The following KLRD1 variants were observed in gnomAD, a reference collection of about 807,000 sequenced individuals.
The protein encoded by KLRD1 is killer cell lectin like receptor D1.
Under a neutral mutation model 22.6 loss-of-function variants are expected in KLRD1, and 21 were observed. The observed-to-expected ratio is 0.93, with a 90% confidence interval of 0.66 to 1.34. The LOEUF (loss-of-function observed/expected upper bound fraction) is 1.34. Among genes scored for constraint, KLRD1 ranks in the 40% most tolerant of loss-of-function variants. KLRD1 has a pLI of 0.00. For missense variants in KLRD1, 183 were observed against 208.6 expected, an observed-to-expected ratio of 0.88 and a Z score of 0.76; for synonymous variants, 59 against 71.1, an observed-to-expected ratio of 0.83 and a Z score of 0.85.
chr12:10,296,536 C>A (rs1409789396), intron 1 of KLRD1, among the ~76,000 whole-genome samples: 1 of 150,652 alleles, frequency 6.6e-6, no homozygotes, highest in Non-Finnish European at 1.5e-5. Context: ...ATAAAAAAAA[C>A]CACACACACA....
chr12:10,255,376 T>G (rs1002340766), intron 1 of KLRD1, among the ~76,000 whole-genome samples: 6 of 152,336 alleles, frequency 3.9e-5, no homozygotes, highest in Non-Finnish European at 8.8e-5. Flanking sequence ...ATTGTTCATT[T>G]GGCTGGCGTT....
In KLRD1 at chr12:10,308,085, G is replaced by T. The variant is rs376872655; in HGVS notation, c.7+1G>T. 16 of 1,612,124 alleles carry T rather than the reference G, an allele frequency of 9.9e-6. No homozygotes were observed. Among genetic ancestry groups the T allele is most frequent in the Non-Finnish European group, 7.6e-6 (9 of 1,178,442 alleles). On this transcript the variant is annotated splice_donor_variant, in intron 1 of 5. Transcript: ENST00000336164. LOFTEE classifies it high-confidence loss of function. ...CTTGGAACATAATTTCTCATGGCAG[G>T]TATGTGTGATTTCAGTCACTAAATT...
At chr12:10,249,599 C>T (rs373307108) in intron 1 of KLRD1, among the ~76,000 whole-genome samples, 15 of 152,206 alleles carry the variant, frequency 9.9e-5, no homozygotes, top group East Asian at 5.8e-4. Context: ...ATTAAATATA[C>T]GGTTTGCAAC....
chr12:10,303,951 C>A (rs2137679673), upstream of KLRD1, among the ~76,000 whole-genome samples: 1 of 152,222 alleles, frequency 6.6e-6, no homozygotes, highest in Admixed American at 6.5e-5. Flanking sequence ...ATAACTTGGG[C>A]TATAAGATGA....
chr12:10,289,604 G>A (rs1054641112), intron 1 of KLRD1, among the ~76,000 whole-genome samples: 4 of 152,142 alleles, frequency 2.6e-5, no homozygotes, highest in South Asian at 2.1e-4. Flanking sequence ...TGTTTCTTTC[G>A]GAGTCTGCCT....
chr12:10,288,230 G>A (rs569192714), intron 1 of KLRD1, among the ~76,000 whole-genome samples: 35 of 146,478 alleles, frequency 2.4e-4, no homozygotes, highest in African/African-American at 4.6e-4. Context: ...ACAACAGAGC[G>A]AGACTCCGTC....
chr12:10,259,074 T>C (rs1949425050), intron 1 of KLRD1, among the ~76,000 whole-genome samples: 1 of 152,174 alleles, frequency 6.6e-6, no homozygotes, highest in Non-Finnish European at 1.5e-5. Flanking sequence ...GCTTCTACTT[T>C]TGAGATCAAA....
At chr12:10,254,870 G>C (rs1949379998) in intron 1 of KLRD1, among the ~76,000 whole-genome samples, 1 of 149,872 alleles carries the variant, frequency 6.7e-6, no homozygotes, top group Admixed American at 6.6e-5. Context: ...TCCAGCCTAG[G>C]CAACAGAGCG....
intron 1 of KLRD1, among the ~76,000 whole-genome samples, chr12:10,296,477 C>G (rs1330655508): frequency 6.6e-6 from 1 of 151,972 alleles, no homozygotes; most frequent in Non-Finnish European, 1.5e-5. Context: ...AATTGCACCA[C>G]CACACTGCAG....
At chr12:10,281,408 A>G (rs577757081) in intron 1 of KLRD1, among the ~76,000 whole-genome samples, 1 of 152,316 alleles carries the variant, frequency 6.6e-6, no homozygotes, top group East Asian at 1.9e-4. Flanking sequence ...CAGCAATAGT[A>G]TACTAAGACA....
upstream of KLRD1, among the ~76,000 whole-genome samples, chr12:10,304,973 G>A (rs1259293179): frequency 6.6e-6 from 1 of 152,140 alleles, no homozygotes; most frequent in Non-Finnish European, 1.5e-5. Flanking sequence ...CTCAAAGAAT[G>A]CATTTTCTAA....
chr12:10,266,355 T>G (rs1420307256), intron 1 of KLRD1, among the ~76,000 whole-genome samples: 6 of 152,128 alleles, frequency 3.9e-5, no homozygotes, highest in African/African-American at 1.4e-4. Context: ...TTTTGTCAAT[T>G]CAATGGGCAA....
At chr12:10,283,599 G>A (rs929075222) in intron 1 of KLRD1, among the ~76,000 whole-genome samples, 2 of 152,018 alleles carry the variant, frequency 1.3e-5, no homozygotes, top group Non-Finnish European at 2.9e-5. Context: ...AGGAGATAAA[G>A]CCTGAAGCAG....
chr12:10,269,938 G>T (rs997275142), intron 1 of KLRD1, among the ~76,000 whole-genome samples: 5 of 152,008 alleles, frequency 3.3e-5, no homozygotes, highest in African/African-American at 1.2e-4. Context: ...TGATGATTCT[G>T]TACCTACCAT....
At chr12:10,256,505 C>G (rs1414879279) in intron 1 of KLRD1, among the ~76,000 whole-genome samples, 2 of 145,470 alleles carry the variant, frequency 1.4e-5, no homozygotes, top group African/African-American at 5.3e-5. Context: ...TTTGTGTTAA[C>G]TTAAAGATTA....
chr12:10,301,206 C>T (rs1263397355), upstream of KLRD1, among the ~76,000 whole-genome samples: 1 of 152,202 alleles, frequency 6.6e-6, no homozygotes, highest in Admixed American at 6.5e-5. Context: ...CCATTTGTAG[C>T]TTAGTACCCT....
upstream of KLRD1, among the ~76,000 whole-genome samples, chr12:10,303,585 C>G (rs970478086): frequency 4.8e-4 from 73 of 152,144 alleles, 5 homozygotes; most frequent in Non-Finnish European, 2.9e-5. Flanking sequence ...AAAAGGGCAG[C>G]TTTTCACATG....
intron 1 of KLRD1, among the ~76,000 whole-genome samples, chr12:10,287,910 T>C (rs1949723819): frequency 6.6e-6 from 1 of 151,410 alleles, no homozygotes; most frequent in African/African-American, 2.4e-5. Flanking sequence ...TCTACTAAAA[T>C]ACAAAAAATT....
chr12:10,327,941 T>G lies in KLRD1; in HGVS notation c.*13148T>G. ...TGCACAGGTGACATTTATCCTTCAT[T>G]CTATTAATGTGGTATATTACATTAA... is the stretch of plus-strand genomic sequence containing the variant. On this transcript the variant is annotated 3_prime_UTR_variant, in exon 6 of 6. Transcript: ENST00000336164. 1 of 152,190 alleles carries G rather than the reference T, an allele frequency of 6.6e-6. No homozygotes were observed. Among genetic ancestry groups the G allele is most frequent in the East Asian group, 1.9e-4 (1 of 5,202 alleles). The allele number at this position is 152,190 out of a possible 1,614,324, so 9.4% of individuals were successfully genotyped here. A position where few individuals can be genotyped will look rare whatever the true frequency, so the allele number is the denominator to read the frequency against.
Sources: allele counts gnomAD v4.1 joint callset (sites outside exome capture counted in the v4.1 genomes callset), GRCh38; gene constraint gnomAD v4.1.1; transcripts MANE v1.5; gene names NCBI Gene and HGNC (gene_info 2026-07-23, HGNC 2026-07-21).